The following SNAP91 variants were observed in gnomAD, a reference collection of about 807,000 sequenced individuals.
SNAP91 encodes clathrin coat assembly protein AP180.
In SNAP91, 27 loss-of-function variants were observed where a neutral mutation model predicts 100.3. The observed-to-expected ratio is 0.27, with a 90% CI of 0.20 to 0.37. The LOEUF is 0.37. Among genes scored for constraint, SNAP91 ranks in the 10% least tolerant of loss-of-function variants. The probability of loss-of-function intolerance (pLI) is 1.00; values close to 1 mark genes in which losing one functional copy is unlikely to be tolerated. For missense variants in SNAP91, 986 were observed against 1,123.7 expected (o/e 0.88, Z 1.75); for synonymous variants, 404 against 398.6 (o/e 1.01, Z -0.16).
At chr6:83,666,459 C>T (rs2098687923) in intron 2 of SNAP91, among the ~76,000 whole-genome samples, 1 of 152,098 alleles carries the variant, frequency 6.6e-6, no homozygotes, top group Non-Finnish European at 1.5e-5. Flanking sequence ...CCACACTTAT[C>T]TTGCAGAGAC....
Position 83,607,803 on chromosome 6 carries a change from A to C in SNAP91, c.918T>G (p.Ser306=). ...TAGGAGACGTAACAGTTGTGGCTGG[A>C]GAAGACTGAAAGTGAAGATGCACAA... ...SGAPSPLSKS[S]PATTVTSPNS... is the part of the protein sequence containing the mutation. Residue 306 remains serine, a synonymous_variant, in exon 13 of 30, where the codon TCT becomes TCG. Coordinates refer to ENST00000369694, the MANE Select transcript of SNAP91 (RefSeq NM_001242792.2). 1 of 1,574,636 alleles carries C rather than the reference A, an allele frequency of 6.4e-7. No individual in the cohort carries two copies.
At chr6:83,573,887 C>T (rs1195463587) in intron 26 of SNAP91, among the ~76,000 whole-genome samples, 1 of 152,172 alleles carries the variant, frequency 6.6e-6, no homozygotes, top group Non-Finnish European at 1.5e-5. Context: ...AGGACATAGG[C>T]ATGGGCAAGG....
chr6:83,600,111 C>T (rs1229308861), intron 16 of SNAP91, among the ~76,000 whole-genome samples: 1 of 152,176 alleles, frequency 6.6e-6, no homozygotes, highest in Non-Finnish European at 1.5e-5. Context: ...CAAGGGTCTG[C>T]AATCCTTTTT....
chr6:83,695,078 C>A (rs2099182098), intron 2 of SNAP91, among the ~76,000 whole-genome samples: 2 of 151,780 alleles, frequency 1.3e-5, no homozygotes, highest in African/African-American at 2.4e-5. Context: ...TTGAGACCAG[C>A]CTGACCAACA....
rs78401275 is a variant in SNAP91, at chr6:83,636,601, T to G, written c.765+4495A>C. On this transcript the variant is annotated intron_variant, in intron 8 of 29. Coordinates refer to ENST00000369694, the MANE Select transcript of SNAP91 (RefSeq NM_001242792.2). ...GGCTTCCTTGTATTGGATTTCAAAT[T>G]TCTCTTGGATCTTATTGAGCTTCCT... Among the ~76,000 whole-genome samples the G allele has an allele frequency of 9.3e-4, 141 of 152,344 alleles. No individual in the cohort carries two copies. In the East Asian group the frequency reaches 0.013, roughly 14 times the overall value.
At chr6:83,690,609 A>C (rs193124868) in intron 2 of SNAP91, among the ~76,000 whole-genome samples, 2 of 152,262 alleles carry the variant, frequency 1.3e-5, no homozygotes, top group African/African-American at 4.8e-5. Context: ...CATAGGAATA[A>C]ATTTTGAAAC....
intron 2 of SNAP91, among the ~76,000 whole-genome samples, chr6:83,688,254 A>C (rs988972451): frequency 6.6e-6 from 1 of 152,104 alleles, no homozygotes; most frequent in Non-Finnish European, 1.5e-5. Context: ...CTTTTGCTCT[A>C]ATGAAGCCAT....
At chr6:83,615,012 T>C (rs1375346389) in intron 10 of SNAP91, 150 bp from the exon 11 acceptor site, 3 of 496,108 alleles carry the variant, frequency 6.0e-6, no homozygotes, top group Non-Finnish European at 1.0e-5. Context: ...CATAAAATGA[T>C]TTTAAAGGAA....
At chr6:83,682,631 G>A (rs573224637) in intron 2 of SNAP91, among the ~76,000 whole-genome samples, 39 of 151,424 alleles carry the variant, frequency 2.6e-4, no homozygotes, top group Non-Finnish European at 3.8e-4. Flanking sequence ...TGTGCACAAC[G>A]TGCAGGTTAG....
intron 26 of SNAP91, among the ~76,000 whole-genome samples, chr6:83,566,534 C>T (rs773103906): frequency 7.9e-5 from 12 of 152,032 alleles, no homozygotes; most frequent in Non-Finnish European, 1.5e-4. Context: ...GCTTTAAAAG[C>T]AAAATGAACC....
intron 8 of SNAP91, among the ~76,000 whole-genome samples, chr6:83,639,134 A>G (rs1030913475): frequency 6.6e-6 from 1 of 152,206 alleles, no homozygotes; most frequent in African/African-American, 2.4e-5. Context: ...ACCAATATAT[A>G]AAGTTGTATT....
At chr6:83,576,357 A>G (rs1818791469) in intron 24 of SNAP91, among the ~76,000 whole-genome samples, 1 of 152,148 alleles carries the variant, frequency 6.6e-6, no homozygotes, top group Non-Finnish European at 1.5e-5. Flanking sequence ...TTGGTTAGTA[A>G]ATTGTTCTCT....
chr6:83,564,126 C>T (rs942392134), intron 26 of SNAP91, among the ~76,000 whole-genome samples: 1 of 152,064 alleles, frequency 6.6e-6, no homozygotes, highest in Non-Finnish European at 1.5e-5. Flanking sequence ...TTAATCAAAA[C>T]AGTGTGGTAC....
chr6:83,695,993 T>C (rs1285739277), intron 2 of SNAP91, among the ~76,000 whole-genome samples: 2 of 152,206 alleles, frequency 1.3e-5, no homozygotes, highest in East Asian at 3.9e-4. Context: ...GTTAAACAGT[T>C]GGTCACAGCC....
chr6:83,570,556 C>A (rs7752643), intron 26 of SNAP91, among the ~76,000 whole-genome samples: 4 of 129,704 alleles, frequency 3.1e-5, no homozygotes, highest in Admixed American at 1.5e-4. Flanking sequence ...TACGGGGTGG[C>A]GGGGGGGGAA....
rs571161327 is a variant in SNAP91, at chr6:83,593,885, A to G, written c.1433-144T>C. 79 of 1,308,064 alleles carry G rather than the reference A, an allele frequency of 6.0e-5. No homozygotes were observed. In the African/African-American group the frequency reaches 1.1e-3, roughly 18 times the overall value. 81.0% of individuals were successfully genotyped at this position (1,308,064 alleles called of 1,614,324 possible). A position where few individuals can be genotyped will look rare whatever the true frequency, so the allele number is the denominator to read the frequency against. ...GCTCCTTGGATTTAACTACTATCCT[A>G]CTGGCAGGGGTTAGTGATTAGGATG... On this transcript the variant is annotated intron_variant, in intron 17 of 29. Coordinates refer to ENST00000369694, the MANE Select transcript of SNAP91 (RefSeq NM_001242792.2).
At chr6:83,613,667 T>G (rs922617854) in intron 11 of SNAP91, among the ~76,000 whole-genome samples, 1 of 152,216 alleles carries the variant, frequency 6.6e-6, no homozygotes, top group East Asian at 1.9e-4. Context: ...TCAGAGCCTA[T>G]GCTCAGTCCA....
chr6:83,598,197 T>C (rs1562277222), intron 16 of SNAP91, among the ~76,000 whole-genome samples: 1 of 152,210 alleles, frequency 6.6e-6, no homozygotes. Flanking sequence ...CCTTTTATTT[T>C]TGTCAATATT....
intron 7 of SNAP91, among the ~76,000 whole-genome samples, chr6:83,651,464 A>T (rs951544517): frequency 1.3e-5 from 2 of 152,054 alleles, no homozygotes; most frequent in East Asian, 3.8e-4. Context: ...TTTAGTTCAA[A>T]ATATTCTTAC....
Sources: gnomAD v4.1 joint callset for allele counts (sites outside exome capture counted in the v4.1 genomes callset) on GRCh38, gnomAD v4.1.1 for gene constraint, MANE v1.5 for transcripts, NCBI Gene and HGNC (gene_info 2026-07-23, HGNC 2026-07-21) for gene names.